Variants in DLC1 observed in about 807,000 individuals in gnomAD.
DLC1 encodes rho GTPase-activating protein 7.
In DLC1, 54 loss-of-function variants were observed where a neutral mutation model predicts 140.3. The ratio of observed to expected loss-of-function variants is 0.38; its 90% CI spans 0.31 to 0.48. DLC1 has a LOEUF of 0.48. DLC1 is among the 20% of genes least tolerant of loss of function. The pLI is 0.96. For missense variants in DLC1, 2,536 were observed against 1,907.0 expected (o/e 1.33, Z -6.14); for synonymous variants, 986 against 728.1 (o/e 1.35, Z -5.70).
At chr8:13,108,897 C>A (rs1352732084) in intron 7 of DLC1, among the ~76,000 whole-genome samples, 6 of 152,154 alleles carry the variant, frequency 3.9e-5, no homozygotes, top group Admixed American at 3.9e-4. Context: ...TGGTTTCATT[C>A]CCGATGATAT....
At chr8:13,222,602 C>T (rs532773513) in intron 5 of DLC1, among the ~76,000 whole-genome samples, 5 of 152,316 alleles carry the variant, frequency 3.3e-5, no homozygotes, top group East Asian at 3.9e-4. Context: ...TTCCAGCACT[C>T]TTGCTTCTCA....
At chr8:13,539,858 A>G (rs540631138) in intron 1 of DLC1, among the ~76,000 whole-genome samples, 1 of 152,238 alleles carries the variant, frequency 6.6e-6, no homozygotes, top group Non-Finnish European at 1.5e-5. Context: ...GGTGTAGGAC[A>G]GAAGAAACAC....
chr8:13,558,343 A>G (rs1322923374), intron 1 of DLC1: 1 of 152,120 alleles, frequency 6.6e-6, no homozygotes, highest in Non-Finnish European at 1.5e-5. Context: ...CAGTTTGGGG[A>G]TGTGTAGTTA....
Position 13,099,648 on chromosome 8 carries a change from G to A in DLC1, c.2689C>T (p.Leu897=). The A allele has an allele frequency of 6.2e-7, 1 of 1,614,184 alleles. No homozygotes were observed. The highest frequency in any genetic ancestry group is 8.5e-7 in the Non-Finnish European group (1 of 1,180,040). The change falls in exon 9 of 18, where the codon CTG becomes TTG. Residue 897 remains leucine (L), a synonymous_variant. Coordinates refer to ENST00000276297, the MANE Select transcript of DLC1 (RefSeq NM_182643.3). ...LYSSSGDLAD[L]ENEDIFPELD... The stretch of plus-strand genomic sequence containing the variant: ...TCGGGGAAGATGTCCTCGTTCTCCA[G>A]ATCCGCCAGGTCCCCTGAACTGGAG...
chr8:13,515,786 A>G (rs907301637), upstream of DLC1: 1 of 152,232 alleles, frequency 6.6e-6, no homozygotes, highest in Non-Finnish European at 1.5e-5. Flanking sequence ...TTTAGGGAAT[A>G]AGCTAATGGA....
Position 13,385,048 on chromosome 8 carries a change from C to G in DLC1, c.1314+8505G>C, listed in dbSNP as rs772837155. On this transcript the variant is annotated intron_variant, in intron 4 of 17. Transcript: ENST00000276297. ...AGGCCAATATATAAAAGAGATAAAG[C>G]TCAGTCAGCTTGGCTGGGACAGGCA... Among the ~76,000 whole-genome samples the G allele has an allele frequency of 1.3e-3, 196 of 152,242 alleles. 2 individuals carry two copies. The highest frequency in any genetic ancestry group is 1.1e-3 in the Non-Finnish European group (76 of 68,014).
chr8:13,505,125 A>T (rs1296993338), intron 1 of DLC1, among the ~76,000 whole-genome samples: 2 of 152,176 alleles, frequency 1.3e-5, no homozygotes, highest in Non-Finnish European at 2.9e-5. Context: ...ATAGTTTTAC[A>T]AGAAGGAAAA....
chr8:13,365,984 A>G (rs1471880213), intron 4 of DLC1, among the ~76,000 whole-genome samples: 1 of 152,204 alleles, frequency 6.6e-6, no homozygotes, highest in East Asian at 1.9e-4. Context: ...CAGAAGGTTT[A>G]AAGACTAGGA....
intron 2 of DLC1, among the ~76,000 whole-genome samples, chr8:13,452,375 C>T (rs1799106171): frequency 6.6e-6 from 1 of 151,982 alleles, no homozygotes; most frequent in African/African-American, 2.4e-5. Flanking sequence ...AAAAGTAACT[C>T]AATTTATGTT....
intron 4 of DLC1, among the ~76,000 whole-genome samples, chr8:13,374,879 G>C (rs1212584056): frequency 6.6e-6 from 1 of 152,148 alleles, no homozygotes; most frequent in Admixed American, 6.5e-5. Flanking sequence ...GTTGAGCAGT[G>C]GTTTGCAGTT....
chr8:13,133,087 G>A (rs1262966119), intron 5 of DLC1: 2 of 1,528,382 alleles, frequency 1.3e-6, no homozygotes, highest in African/African-American at 1.4e-5. Context: ...GCGCGCCCTC[G>A]CGGTCCTCAA....
chr8:13,448,992 A>G (rs1328315802), intron 2 of DLC1, among the ~76,000 whole-genome samples: 4 of 152,148 alleles, frequency 2.6e-5, no homozygotes, highest in African/African-American at 9.7e-5. Flanking sequence ...AGAGAACAGG[A>G]GAAACTCTGT....
chr8:13,339,323 A>G (rs978871567), intron 4 of DLC1: 2 of 152,236 alleles, frequency 1.3e-5, no homozygotes, highest in African/African-American at 4.8e-5. Flanking sequence ...CTTCTAGGGT[A>G]TTTGTAATAA....
At chr8:13,313,651 T>C (rs1832763615) in intron 4 of DLC1, among the ~76,000 whole-genome samples, 1 of 152,198 alleles carries the variant, frequency 6.6e-6, no homozygotes, top group African/African-American at 2.4e-5. Context: ...TCGGAAATAA[T>C]GCAAAACAAA....
At chr8:13,248,476 C>G (rs1159868004) in intron 5 of DLC1, among the ~76,000 whole-genome samples, 1 of 152,158 alleles carries the variant, frequency 6.6e-6, no homozygotes, top group Non-Finnish European at 1.5e-5. Context: ...AAGTTCATGT[C>G]AATCCAATCC....
intron 5 of DLC1, among the ~76,000 whole-genome samples, chr8:13,179,905 C>T (rs1825947048): frequency 1.3e-5 from 2 of 152,086 alleles, no homozygotes; most frequent in South Asian, 2.1e-4. Flanking sequence ...GGAAATTAAT[C>T]AAAATCATCT....
chr8:13,370,975 G>A (rs886891480), intron 4 of DLC1, among the ~76,000 whole-genome samples: 6 of 152,066 alleles, frequency 3.9e-5, no homozygotes, highest in African/African-American at 9.7e-5. Context: ...TGTGGGTGAC[G>A]TACTCTATTC....
Position 13,476,458 on chromosome 8 carries a change from A to G in DLC1, c.1023+22591T>C, listed in dbSNP as rs1410417532. On this transcript the variant is annotated intron_variant, in intron 2 of 17. Transcript: ENST00000276297. ...GACATATTTTCATTTTCACATCCAC[A>G]TACAGTGCAGTGTTTTTTTTTTTAG... Among the ~76,000 whole-genome samples the G allele has an allele frequency of 1.6e-5, 2 of 122,514 alleles. 1 individual carries two copies. Among genetic ancestry groups the G allele is most frequent in the African/African-American group, 6.8e-5 (2 of 29,306 alleles). The allele number at this position is 122,514 out of a possible 152,430, so 80.4% of individuals were successfully genotyped here.
At chr8:13,380,934 A>T (rs1023294013) in intron 4 of DLC1, among the ~76,000 whole-genome samples, 1 of 152,166 alleles carries the variant, frequency 6.6e-6, no homozygotes, top group African/African-American at 2.4e-5. Flanking sequence ...GTATGCAGTG[A>T]AAACATCCAC....
Sources: gnomAD v4.1 joint callset for allele counts (sites outside exome capture counted in the v4.1 genomes callset) on GRCh38, gnomAD v4.1.1 for gene constraint, MANE v1.5 for transcripts, NCBI Gene and HGNC (gene_info 2026-07-23, HGNC 2026-07-21) for gene names.